Variants in DSCAM observed in about 807,000 individuals in gnomAD.
The protein encoded by DSCAM is DS cell adhesion molecule, also known as cell adhesion molecule DSCAM.
In DSCAM, 47 loss-of-function variants were observed where a neutral mutation model predicts 217.7. The observed-to-expected ratio is 0.22, with a 90% CI of 0.17 to 0.28. The LOEUF is 0.28. Ranked by LOEUF, DSCAM falls within the 10% of genes least tolerant of loss-of-function variation. The probability of loss-of-function intolerance (pLI) is 1.00; values close to 1 mark genes in which losing one functional copy is unlikely to be tolerated. For synonymous variants in DSCAM, 1,056 were observed against 1,015.3 expected, an observed-to-expected ratio of 1.04 and a Z score of -0.76; for missense variants, 2,080 against 2,618.3, an observed-to-expected ratio of 0.79 and a Z score of 4.49.
chr21:40,745,935 G>A (rs2091169595), intron 1 of DSCAM, among the ~76,000 whole-genome samples: 1 of 151,920 alleles, frequency 6.6e-6, no homozygotes, highest in Non-Finnish European at 1.5e-5. Context: ...AATGTAGTTT[G>A]TTTTTCTTGC....
At chr21:40,054,003 G>T (rs2088974967) in intron 29 of DSCAM, among the ~76,000 whole-genome samples, 1 of 152,166 alleles carries the variant, frequency 6.6e-6, no homozygotes, top group Non-Finnish European at 1.5e-5. Context: ...CTTTTCCTAT[G>T]TTGGCTGGAA....
intron 3 of DSCAM, among the ~76,000 whole-genome samples, chr21:40,527,602 A>C (rs2076410275): frequency 6.6e-6 from 1 of 152,232 alleles, no homozygotes. Flanking sequence ...ACAGCAGAAG[A>C]ACCACCCAAC....
In DSCAM at chr21:40,205,137, C is replaced by T. The variant is rs539910735; in HGVS notation, c.2357-15899G>A. On this transcript the variant is annotated intron_variant, in intron 11 of 32. Transcript: ENST00000400454. ...TAAAGTTCAGAGGCTCATGAAGAGA[C>T]ATGTGTAAAGGTCCCTCCCAGGGGA... is the stretch of plus-strand genomic sequence containing the variant. Among the ~76,000 whole-genome samples, 2 of 152,346 alleles carry T rather than the reference C, an allele frequency of 1.3e-5. 1 individual carries two copies. Among genetic ancestry groups the T allele is most frequent in the South Asian group, 4.1e-4 (2 of 4,824 alleles).
At chr21:40,348,632 A>C (rs1031319816) in intron 5 of DSCAM, among the ~76,000 whole-genome samples, 4 of 152,254 alleles carry the variant, frequency 2.6e-5, no homozygotes, top group African/African-American at 9.6e-5. Context: ...TATTGCAATC[A>C]TACTCCACAC....
At chr21:40,248,111 TGGGCAC>T (rs1241383669) in intron 11 of DSCAM, among the ~76,000 whole-genome samples, 1 of 152,180 alleles carries the variant, frequency 6.6e-6, no homozygotes. Flanking sequence ...GCACACAGCA[TGGGCAC>T]CCTGGTGTTG....
chr21:40,599,637 C>CA (rs1468275699), intron 3 of DSCAM, among the ~76,000 whole-genome samples: 4 of 151,776 alleles, frequency 2.6e-5, no homozygotes, highest in Non-Finnish European at 5.9e-5. Context: ...GATAGAGACA[C>CA]AAAAAATCCT....
intron 27 of DSCAM, among the ~76,000 whole-genome samples, chr21:40,065,566 C>T (rs2089194826): frequency 6.6e-6 from 1 of 152,184 alleles, no homozygotes; most frequent in African/African-American, 2.4e-5. Context: ...TATTCTCTGT[C>T]TGCATGAATC....
intron 1 of DSCAM, among the ~76,000 whole-genome samples, chr21:40,742,283 G>T (rs1292928575): frequency 6.6e-6 from 1 of 152,142 alleles, no homozygotes; most frequent in Non-Finnish European, 1.5e-5. Flanking sequence ...TCTTTTTCTG[G>T]TAGCTCATTA....
intron 3 of DSCAM, among the ~76,000 whole-genome samples, chr21:40,669,620 C>T (rs1275102367): frequency 6.7e-6 from 1 of 148,378 alleles, no homozygotes; most frequent in Non-Finnish European, 1.5e-5. Context: ...CAGAGTCTCG[C>T]TCTGTCAGAG....
intron 19 of DSCAM, among the ~76,000 whole-genome samples, chr21:40,131,533 C>T (rs1171549260): frequency 2.0e-5 from 3 of 152,190 alleles, no homozygotes; most frequent in African/African-American, 7.2e-5. Flanking sequence ...TCAAGTGATT[C>T]TCCTGCCTCA....
At chr21:40,303,524 T>C (rs2074039017) in intron 9 of DSCAM, among the ~76,000 whole-genome samples, 2 of 152,172 alleles carry the variant, frequency 1.3e-5, no homozygotes, top group South Asian at 4.1e-4. Context: ...TCATAGTCCT[T>C]GTAGATAACT....
chr21:40,816,546 A>T (rs1016091627), intron 1 of DSCAM, among the ~76,000 whole-genome samples: 4 of 152,326 alleles, frequency 2.6e-5, no homozygotes, highest in African/African-American at 9.6e-5. Flanking sequence ...ACTGCACTCC[A>T]GCCTGGGCAA....
intron 20 of DSCAM, among the ~76,000 whole-genome samples, chr21:40,116,477 C>T (rs80314855): frequency 0.16 from 24,387 of 151,928 alleles, 2,544 homozygotes; most frequent in African/African-American, 0.3. Flanking sequence ...AGAAACCCTT[C>T]GAGGTTTTTT....
intron 3 of DSCAM, among the ~76,000 whole-genome samples, chr21:40,520,639 T>C (rs551528147): frequency 6.6e-6 from 1 of 152,020 alleles, no homozygotes; most frequent in East Asian, 1.9e-4. Context: ...AAACCCCATC[T>C]CTATTAAAAA....
rs115011180 is a variant in DSCAM at position 40,458,771 on chromosome 21, G to A, written c.509-89526C>T. On this transcript the variant is annotated intron_variant, in intron 3 of 32. Coordinates refer to ENST00000400454, the MANE Select transcript of DSCAM (RefSeq NM_001389.5). ...GGACAGATAATTCATATTCCTTCCC[G>A]GCAATCAAGGAAAAAATTGCCAATC... is the stretch of plus-strand genomic sequence containing the variant. 8.0e-3 allele frequency among the ~76,000 whole-genome samples: 1,214 copies of A among 151,734 alleles called. 21 individuals are homozygous for A. Among genetic ancestry groups the A allele is most frequent in the African/African-American group, 0.027 (1,130 of 41,382 alleles).
intron 10 of DSCAM, 100 bp from the exon 11 acceptor site, chr21:40,276,370 A>G: frequency 3.7e-6 from 4 of 1,087,600 alleles, no homozygotes; most frequent in Non-Finnish European, 5.0e-6. Flanking sequence ...GATGCTTCAC[A>G]CTGATCCCAT....
chr21:40,068,265 AACAGTT>A (rs1334030971), intron 27 of DSCAM, among the ~76,000 whole-genome samples: 18 of 152,128 alleles, frequency 1.2e-4, no homozygotes, highest in African/African-American at 4.1e-4. Flanking sequence ...TCTTCAGGAG[AACAGTT>A]ACATTTGGGT....
chr21:40,048,273 GTCTTT>G (rs1434277965), intron 30 of DSCAM, among the ~76,000 whole-genome samples: 1 of 152,218 alleles, frequency 6.6e-6, no homozygotes, highest in Non-Finnish European at 1.5e-5. Flanking sequence ...ATGACTCAAT[GTCTTT>G]TCTTTTCCAT....
chr21:40,534,838 A>C (rs2076482538), intron 3 of DSCAM, among the ~76,000 whole-genome samples: 1 of 152,200 alleles, frequency 6.6e-6, no homozygotes, highest in African/African-American at 2.4e-5. Context: ...TTTAGAAATA[A>C]AGTACAGAAT....
Sources: gnomAD v4.1 joint callset for allele counts (sites outside exome capture counted in the v4.1 genomes callset) on GRCh38, gnomAD v4.1.1 for gene constraint, MANE v1.5 for transcripts, NCBI Gene and HGNC (gene_info 2026-07-23, HGNC 2026-07-21) for gene names.